TBC1D22A: variants seen among roughly 807,000 people sequenced by gnomAD.
The protein encoded by TBC1D22A is TBC1 domain family member 22A.
A neutral mutation model predicts 60.2 loss-of-function variants in TBC1D22A; 38 were observed. That is an observed-to-expected ratio of 0.63 (90% CI 0.49 to 0.83). The LOEUF is 0.83. TBC1D22A is among the 40% of genes least tolerant of loss of function. The pLI is 0.00. For missense variants in TBC1D22A, 628 were observed against 701.0 expected (o/e 0.90, Z 1.18); for synonymous variants, 302 against 281.7 (o/e 1.07, Z -0.72).
intron 10 of TBC1D22A, among the ~76,000 whole-genome samples, chr22:47,002,501 G>A (rs1012738844): frequency 4.6e-5 from 7 of 151,984 alleles, no homozygotes; most frequent in African/African-American, 1.7e-4. Flanking sequence ...TACATTTTTT[G>A]ATTAAAAAAA....
At chr22:46,806,341 A>T (rs1024939567) in intron 4 of TBC1D22A, among the ~76,000 whole-genome samples, 18 of 132,568 alleles carry the variant, frequency 1.4e-4, no homozygotes, top group East Asian at 2.2e-4. Flanking sequence ...CTCTGTTCTG[A>T]TTTTTTTTTT....
intron 1 of TBC1D22A, among the ~76,000 whole-genome samples, chr22:46,766,903 G>A (rs1326511139): frequency 1.3e-5 from 2 of 152,082 alleles, no homozygotes; most frequent in East Asian, 3.9e-4. Flanking sequence ...AGTGTTGTTG[G>A]TGCCTCTGGC....
chr22:47,060,238 C>CTTTTTTTTTTTTTTTT (rs3884803), intron 11 of TBC1D22A, among the ~76,000 whole-genome samples: 1 of 111,650 alleles, frequency 9.0e-6, no homozygotes, highest in African/African-American at 3.6e-5. Flanking sequence ...GGGTTTCTGA[C>CTTTTTTTTTTTTTTTT]TTTTTTTTTT....
At chr22:46,870,682 C>T (rs1470953026) in intron 4 of TBC1D22A, among the ~76,000 whole-genome samples, 5 of 152,142 alleles carry the variant, frequency 3.3e-5, no homozygotes, top group Admixed American at 6.5e-5. Flanking sequence ...TTGGAGGTCT[C>T]GCATCAAGGT....
At chr22:47,156,075 G>T (rs2067707095) in intron 12 of TBC1D22A, among the ~76,000 whole-genome samples, 1 of 152,112 alleles carries the variant, frequency 6.6e-6, no homozygotes, top group Non-Finnish European at 1.5e-5. Flanking sequence ...TCCCCACGTG[G>T]AGTTTCCTGT....
chr22:47,083,242 TGCAAGACTC>T (rs1438480899), intron 11 of TBC1D22A, among the ~76,000 whole-genome samples: 7 of 152,124 alleles, frequency 4.6e-5, no homozygotes, highest in African/African-American at 1.7e-4. Context: ...TATATTCAAT[TGCAAGACTC>T]AGCAAATAGT....
chr22:46,825,975 C>G (rs886881510), intron 4 of TBC1D22A, among the ~76,000 whole-genome samples: 2 of 151,760 alleles, frequency 1.3e-5, no homozygotes, highest in East Asian at 3.9e-4. Context: ...CTCCATCTCC[C>G]GGGTTCACGC....
At chr22:46,921,945 T>C (rs1266971137) in intron 8 of TBC1D22A, among the ~76,000 whole-genome samples, 1 of 152,244 alleles carries the variant, frequency 6.6e-6, no homozygotes, top group Non-Finnish European at 1.5e-5. Context: ...TTTTGACATC[T>C]TGGTCATGAA....
At chr22:46,913,553 T>C (rs1297723494) in intron 8 of TBC1D22A, 1 of 1,210,560 alleles carries the variant, frequency 8.3e-7, no homozygotes, top group African/African-American at 1.6e-5. Flanking sequence ...GCTCACTCCC[T>C]AATCATCTCT....
intron 9 of TBC1D22A, among the ~76,000 whole-genome samples, chr22:46,993,142 T>TA (rs2075007141): frequency 6.6e-6 from 1 of 152,218 alleles, no homozygotes; most frequent in Admixed American, 6.5e-5. Context: ...GGTGAGCTGA[T>TA]AGGAATTTAT....
intron 10 of TBC1D22A, among the ~76,000 whole-genome samples, chr22:47,008,812 G>C (rs961620924): frequency 2.1e-4 from 32 of 152,198 alleles, no homozygotes; most frequent in Non-Finnish European, 1.0e-4. Context: ...GCTGGTGCCT[G>C]TAAACTGGTA....
chr22:47,013,609 C>T (rs1037353861), intron 10 of TBC1D22A, among the ~76,000 whole-genome samples: 5 of 152,212 alleles, frequency 3.3e-5, no homozygotes, highest in Admixed American at 6.5e-5. Context: ...GCTAGGAGGC[C>T]GCATTGCAGG....
At chr22:46,987,469 A>G (rs2074771069) in intron 9 of TBC1D22A, among the ~76,000 whole-genome samples, 1 of 152,200 alleles carries the variant, frequency 6.6e-6, no homozygotes, top group African/African-American at 2.4e-5. Context: ...TTTTATAGGT[A>G]TACCTTGGAG....
Position 47,072,402 on chromosome 22 carries a change from C to T in TBC1D22A, c.1329+35204C>T, listed in dbSNP as rs559738699. Reference sequence around the variant, plus strand: ...TGCCTGTCGTGCTTCTGGTCGCAGCCTCCTTGGCTTTGCAGCAGTGCAGTG... The same window carrying T: ...TGCCTGTCGTGCTTCTGGTCGCAGCTTCCTTGGCTTTGCAGCAGTGCAGTG... On this transcript the variant is annotated intron_variant, in intron 11 of 12. Coordinates refer to ENST00000337137, the MANE Select transcript of TBC1D22A (RefSeq NM_014346.5). 1.4e-4 allele frequency among the ~76,000 whole-genome samples: 22 copies of T among 152,380 alleles called. No homozygotes were observed. In the East Asian group the frequency reaches 2.3e-3, roughly 16 times the overall value.
At chr22:47,082,130 C>T (rs1603247267) in intron 11 of TBC1D22A, among the ~76,000 whole-genome samples, 1 of 152,088 alleles carries the variant, frequency 6.6e-6, no homozygotes, top group Non-Finnish European at 1.5e-5. Flanking sequence ...TGCACTCCAG[C>T]CTGGGCGACA....
At chr22:46,844,513 G>T (rs549018483) in intron 4 of TBC1D22A, among the ~76,000 whole-genome samples, 1 of 152,188 alleles carries the variant, frequency 6.6e-6, no homozygotes, top group Admixed American at 6.5e-5. Flanking sequence ...TGGTTGAGTC[G>T]TCAGCTTGAC....
chr22:46,910,867 C>T lies in TBC1D22A; in HGVS notation c.901-1207C>T, dbSNP rs1245022034. Among the ~76,000 whole-genome samples the T allele has an allele frequency of 4.0e-5, 6 of 150,286 alleles. No individual in the cohort carries two copies. The South Asian group carries it at 1.0e-3, about 26-fold the overall frequency. On this transcript the variant is annotated intron_variant, in intron 7 of 12. Transcript: ENST00000337137. ...ATCGAGACCCAGGGTGCGGGCGTGGCAGGCTTTCCAGGCAGCGGTAGGAGT... is the reference window on the plus strand; with the variant it reads ...ATCGAGACCCAGGGTGCGGGCGTGGTAGGCTTTCCAGGCAGCGGTAGGAGT...
At chr22:46,803,313 G>C (rs751403278) in intron 4 of TBC1D22A, among the ~76,000 whole-genome samples, 2 of 152,170 alleles carry the variant, frequency 1.3e-5, no homozygotes, top group Admixed American at 6.5e-5. Context: ...GGGTCACCCC[G>C]GGCTGGGCTC....
At chr22:46,774,987 C>T (rs1220507607) in intron 1 of TBC1D22A, among the ~76,000 whole-genome samples, 1 of 152,256 alleles carries the variant, frequency 6.6e-6, no homozygotes, top group Non-Finnish European at 1.5e-5. Flanking sequence ...TTTTATCAAA[C>T]ATTTTTACTA....
Sources: allele counts gnomAD v4.1 joint callset (sites outside exome capture counted in the v4.1 genomes callset), GRCh38; gene constraint gnomAD v4.1.1; transcripts MANE v1.5; gene names NCBI Gene and HGNC (gene_info 2026-07-23, HGNC 2026-07-21).